Variants in COL22A1 observed in about 807,000 individuals in gnomAD.
The protein encoded by COL22A1 is collagen type XXII alpha 1 chain, also known as collagen alpha-1(XXII) chain.
Under a neutral mutation model 248.9 loss-of-function variants are expected in COL22A1, and 221 were observed. That is an observed-to-expected ratio of 0.89 (90% CI 0.80 to 0.99). The LOEUF (loss-of-function observed/expected upper bound fraction) is 0.99. Ranked by LOEUF, COL22A1 falls within the 50% of genes least tolerant of loss-of-function variation. COL22A1 has a pLI of 0.00. For missense variants in COL22A1, 2,240 were observed against 2,179.0 expected, an observed-to-expected ratio of 1.03 and a Z score of -0.56; for synonymous variants, 891 against 793.4, an observed-to-expected ratio of 1.12 and a Z score of -2.07.
At chr8:138,621,728 G>A (rs761010889) in intron 52 of COL22A1, among the ~76,000 whole-genome samples, 29 of 152,170 alleles carry the variant, frequency 1.9e-4, no homozygotes, top group Non-Finnish European at 4.0e-4. Flanking sequence ...GGTACCCACA[G>A]CCCATAAGGT....
intron 21 of COL22A1, 53 bp downstream of exon 21, chr8:138,755,104 A>T: frequency 1.3e-6 from 2 of 1,565,110 alleles, no homozygotes; most frequent in Non-Finnish European, 8.8e-7. Flanking sequence ...TTCCAAACCC[A>T]TTGGTAAGAG....
intron 58 of COL22A1, among the ~76,000 whole-genome samples, chr8:138,605,359 C>A (rs1818341935): frequency 6.6e-6 from 1 of 152,214 alleles, no homozygotes; most frequent in Non-Finnish European, 1.5e-5. Context: ...CCACTCTTAT[C>A]ATGACTCAGG....
chr8:138,780,890 C>A, intron 13 of COL22A1, 37 bp downstream of exon 13: 1 of 1,578,756 alleles, frequency 6.3e-7, no homozygotes, highest in Non-Finnish European at 8.7e-7. Flanking sequence ...CAGCCTAGTA[C>A]TGCCTTGTGA....
In COL22A1 at chr8:138,672,898, C is replaced by T. The variant is rs184459315; in HGVS notation, c.3150+3660G>A. 5.3e-5 allele frequency among the ~76,000 whole-genome samples: 8 copies of T among 152,298 alleles called. No homozygotes were observed. In the East Asian group the frequency reaches 1.5e-3, roughly 29 times the overall value. On this transcript the variant is annotated intron_variant, in intron 41 of 64. Coordinates refer to ENST00000303045, the MANE Select transcript of COL22A1 (RefSeq NM_152888.3). Reference sequence around the variant, plus strand: ...ACAAACCCCAGCTCCTTCAGTCAAACTAATTTGGACTTTAATCTGTCCCAG... The same window carrying T: ...ACAAACCCCAGCTCCTTCAGTCAAATTAATTTGGACTTTAATCTGTCCCAG...
chr8:138,694,484 C>A, intron 34 of COL22A1, 24 bp downstream of exon 34: 1 of 1,611,910 alleles, frequency 6.2e-7, no homozygotes, highest in Non-Finnish European at 8.5e-7. Flanking sequence ...TCTGAGCCAG[C>A]AGGGGAAGGG....
intron 23 of COL22A1, among the ~76,000 whole-genome samples, chr8:138,733,397 G>A (rs190140323): frequency 1.2e-4 from 19 of 152,302 alleles, no homozygotes; most frequent in Admixed American, 5.2e-4. Flanking sequence ...GGCTTTGCAC[G>A]CTCCAAGATG....
At chr8:138,800,789 T>C (rs1282597479) in intron 11 of COL22A1, among the ~76,000 whole-genome samples, 2 of 152,164 alleles carry the variant, frequency 1.3e-5, no homozygotes, top group African/African-American at 4.8e-5. Context: ...CAATCTCCCT[T>C]CCTTTGAACC....
intron 4 of COL22A1, among the ~76,000 whole-genome samples, chr8:138,842,453 A>T (rs1223014915): frequency 2.6e-5 from 4 of 152,188 alleles, no homozygotes; most frequent in African/African-American, 9.7e-5. Context: ...GTAAGGTAAG[A>T]ATTTGCTTTG....
At position 138,636,914 on chromosome 8, in the gene COL22A1, C is replaced by T. The variant is rs180815189; in HGVS notation, c.3502-119G>A. 753 of 846,268 alleles carry T rather than the reference C, an allele frequency of 8.9e-4. 2 individuals are homozygous for T. The African/African-American group carries it at 9.5e-3, about 11-fold the overall frequency. 52.4% of individuals were successfully genotyped at this position (846,268 alleles called of 1,614,324 possible). A position where few individuals can be genotyped will look rare whatever the true frequency, so the allele number is the denominator to read the frequency against. On this transcript the variant is annotated intron_variant, in intron 47 of 64. Coordinates refer to ENST00000303045, the MANE Select transcript of COL22A1 (RefSeq NM_152888.3). Reference sequence around the variant, plus strand: ...TTCTCCAAAAATCTCTTATCAAGTTCCTGTGGTAGCTCAGGCACGGTGGCA... The same window carrying T: ...TTCTCCAAAAATCTCTTATCAAGTTTCTGTGGTAGCTCAGGCACGGTGGCA...
intron 16 of COL22A1, among the ~76,000 whole-genome samples, chr8:138,764,458 G>A (rs1273296482): frequency 6.6e-6 from 1 of 152,204 alleles, no homozygotes; most frequent in Non-Finnish European, 1.5e-5. Flanking sequence ...AATCACTGAC[G>A]CCTGCCTCAG....
intron 4 of COL22A1, among the ~76,000 whole-genome samples, chr8:138,835,575 C>T (rs554792418): frequency 5.9e-5 from 9 of 152,250 alleles, no homozygotes; most frequent in South Asian, 2.1e-4. Context: ...TTGCTGAGTT[C>T]GCCACCCTAT....
intron 44 of COL22A1, 112 bp from the exon 45 acceptor site, chr8:138,656,056 G>GT: frequency 1.1e-6 from 1 of 879,228 alleles, no homozygotes; most frequent in South Asian, 1.4e-5. Flanking sequence ...GTGACACACT[G>GT]CGCCGTGCGT....
At chr8:138,831,042 C>T (rs1008662497) in intron 5 of COL22A1, among the ~76,000 whole-genome samples, 3 of 152,104 alleles carry the variant, frequency 2.0e-5, no homozygotes, top group Non-Finnish European at 4.4e-5. Flanking sequence ...TTCATGAAAA[C>T]GAGACTCAGA....
chr8:138,660,946 A>T (rs1823849147), intron 43 of COL22A1, among the ~76,000 whole-genome samples: 1 of 42,684 alleles, frequency 2.3e-5, no homozygotes, highest in Non-Finnish European at 7.7e-5. Context: ...ACACACACAT[A>T]AACACACAGA....
At chr8:138,786,427 GA>G (rs1255638842) in intron 12 of COL22A1, among the ~76,000 whole-genome samples, 1 of 152,136 alleles carries the variant, frequency 6.6e-6, no homozygotes, top group African/African-American at 2.4e-5. Context: ...CATTTTACTA[GA>G]ATGATTCCTG....
intron 23 of COL22A1, among the ~76,000 whole-genome samples, chr8:138,737,224 T>C (rs953110103): frequency 1.3e-5 from 2 of 152,186 alleles, no homozygotes; most frequent in Non-Finnish European, 2.9e-5. Context: ...CACCTCGTCC[T>C]GGGGTCCCCC....
intron 35 of COL22A1, among the ~76,000 whole-genome samples, chr8:138,692,720 G>C (rs1827191982): frequency 6.6e-6 from 1 of 151,982 alleles, no homozygotes; most frequent in South Asian, 2.1e-4. Context: ...CACATCTCCA[G>C]GGTCAGGACT....
intron 14 of COL22A1, 22 bp downstream of exon 14, chr8:138,779,487 C>A (rs908670375): frequency 2.3e-5 from 37 of 1,594,378 alleles, no homozygotes; most frequent in Non-Finnish European, 3.2e-5. Context: ...ATCAGAAGGG[C>A]CCAGCTCACA....
chr8:138,820,668 A>C (rs1819040359), intron 7 of COL22A1, among the ~76,000 whole-genome samples: 1 of 152,114 alleles, frequency 6.6e-6, no homozygotes, highest in Non-Finnish European at 1.5e-5. Flanking sequence ...TCTGTATTTA[A>C]ATTTATCAGA....
Sources: allele counts gnomAD v4.1 joint callset (sites outside exome capture counted in the v4.1 genomes callset), GRCh38; gene constraint gnomAD v4.1.1; transcripts MANE v1.5; gene names NCBI Gene and HGNC (gene_info 2026-07-23, HGNC 2026-07-21).